RBM20: variants seen among roughly 807,000 people sequenced by gnomAD.
RBM20 encodes RNA-binding protein 20.
In RBM20, 51 loss-of-function variants were observed where a neutral mutation model predicts 110.1. The observed-to-expected ratio is 0.46, with a 90% CI of 0.37 to 0.59. The LOEUF (loss-of-function observed/expected upper bound fraction) is 0.59. Among genes scored for constraint, RBM20 ranks in the 20% least tolerant of loss-of-function variants. The pLI, the probability that RBM20 is intolerant of heterozygous loss-of-function variation, is 0.00. For synonymous variants in RBM20, 589 were observed against 618.2 expected, an observed-to-expected ratio of 0.95 and a Z score of 0.70; for missense variants, 1,512 against 1,574.9, an observed-to-expected ratio of 0.96 and a Z score of 0.68.
chr10:110,656,625 C>G (rs9651464), intron 1 of RBM20, among the ~76,000 whole-genome samples: 6,232 of 152,274 alleles, frequency 0.041, 394 homozygotes, highest in African/African-American at 0.14. Context: ...GCAGTTGCTT[C>G]CCATTCCCAC....
intron 12 of RBM20, among the ~76,000 whole-genome samples, chr10:110,828,138 G>A (rs993859043): frequency 3.9e-5 from 6 of 152,286 alleles, no homozygotes; most frequent in Non-Finnish European, 7.3e-5. Flanking sequence ...GCTTTACTAG[G>A]ATGACAGAGT....
At chr10:110,723,909 T>A (rs1049011316) in intron 1 of RBM20, among the ~76,000 whole-genome samples, 48 of 152,320 alleles carry the variant, frequency 3.2e-4, no homozygotes, top group African/African-American at 1.2e-3. Context: ...GCTTGAGTTT[T>A]ACTTCAATTA....
intron 1 of RBM20, among the ~76,000 whole-genome samples, chr10:110,716,997 T>C (rs1039450729): frequency 6.6e-6 from 1 of 152,242 alleles, no homozygotes; most frequent in African/African-American, 2.4e-5. Context: ...GTAATTGTGT[T>C]TTAAACATCG....
intron 9 of RBM20, among the ~76,000 whole-genome samples, chr10:110,813,532 A>C (rs1025135812): frequency 1.3e-5 from 2 of 151,864 alleles, no homozygotes; most frequent in African/African-American, 4.8e-5. Flanking sequence ...TTTTACCTCC[A>C]CTCTAATAAA....
chr10:110,705,315 C>T (rs1378477547), intron 1 of RBM20, among the ~76,000 whole-genome samples: 1 of 152,164 alleles, frequency 6.6e-6, no homozygotes, highest in Non-Finnish European at 1.5e-5. Flanking sequence ...AGTTTGTAAA[C>T]AATGAATGAT....
chr10:110,669,453 G>T (rs1862228816), intron 1 of RBM20, among the ~76,000 whole-genome samples: 1 of 152,208 alleles, frequency 6.6e-6, no homozygotes. Flanking sequence ...GCCTCTTATG[G>T]TTTTTTGCCT....
At chr10:110,716,789 C>G (rs1031145835) in intron 1 of RBM20, among the ~76,000 whole-genome samples, 8 of 151,614 alleles carry the variant, frequency 5.3e-5, no homozygotes, top group African/African-American at 1.7e-4. Flanking sequence ...TGGTGGTGGG[C>G]GCCTGTAGTC....
At position 110,812,332 on chromosome 10, in the gene RBM20, G is replaced by A. The variant is rs184428735; in HGVS notation, c.1935G>A (p.Pro645=). The change falls in exon 9 of 14, where the codon CCG becomes CCA. Residue 645 remains proline (P), a synonymous_variant. Coordinates refer to ENST00000369519, the MANE Select transcript of RBM20 (RefSeq NM_001134363.3). ...GTCCGGTGAGCCGGTCACTCTCCCCGAGGTCCCACACTCCCAGCTTCACCT... is the reference window on the plus strand; with the variant it reads ...GTCCGGTGAGCCGGTCACTCTCCCCAAGGTCCCACACTCCCAGCTTCACCT... ...SRSPVSRSLS[P]RSHTPSFTSC... 21 of 1,551,410 alleles carry A rather than the reference G, an allele frequency of 1.4e-5. No individual in the cohort carries two copies. The highest frequency in any genetic ancestry group is 7.8e-5 in the Admixed American group (4 of 51,004).
At chr10:110,831,036 G>C in intron 12 of RBM20, 25 bp from the exon 13 acceptor site, 1 of 1,543,422 alleles carries the variant, frequency 6.5e-7, no homozygotes, top group Non-Finnish European at 8.8e-7. Context: ...CTAACCCTGC[G>C]TGTCTATCCC....
chr10:110,819,354 A>T (rs1244293989), intron 9 of RBM20, among the ~76,000 whole-genome samples: 7 of 152,372 alleles, frequency 4.6e-5, no homozygotes, highest in Admixed American at 2.6e-4. Context: ...TGTAAAATTC[A>T]TTCTTAGCTC....
At chr10:110,702,319 C>T (rs1187312033) in intron 1 of RBM20, among the ~76,000 whole-genome samples, 1 of 151,956 alleles carries the variant, frequency 6.6e-6, no homozygotes, top group Non-Finnish European at 1.5e-5. Flanking sequence ...GTGGGAGGAT[C>T]ACCTGAGGGC....
chr10:110,776,593 C>T (rs1844267382), intron 1 of RBM20, among the ~76,000 whole-genome samples: 1 of 152,192 alleles, frequency 6.6e-6, no homozygotes. Context: ...CTGTTTCCAT[C>T]CTTATATCTT....
At chr10:110,812,183 C>A in intron 8 of RBM20, 95 bp from the exon 9 acceptor site, 1 of 1,103,966 alleles carries the variant, frequency 9.1e-7, no homozygotes. Context: ...GTTACATGCA[C>A]AGTATATCTA....
chr10:110,687,047 A>AG lies in RBM20; in HGVS notation c.191+42402_191+42403insG, dbSNP rs1395591593. On this transcript the variant is annotated intron_variant, in intron 1 of 13. Coordinates refer to ENST00000369519, the MANE Select transcript of RBM20 (RefSeq NM_001134363.3). ...GAGCGAGACTGTCTCAAAAAGAAAAAAAAAAAAAAAGAAAAAATTTGTGTT... is the reference window on the plus strand; with the variant it reads ...GAGCGAGACTGTCTCAAAAAGAAAAAGAAAAAAAAAAGAAAAAATTTGTGTT... 4.3e-3 allele frequency among the ~76,000 whole-genome samples: 651 copies of AG among 151,962 alleles called. 4 individuals carry two copies. The highest frequency in any genetic ancestry group is 0.015 in the African/African-American group (605 of 41,470).
At chr10:110,671,456 T>C (rs1862257012) in intron 1 of RBM20, among the ~76,000 whole-genome samples, 4 of 152,228 alleles carry the variant, frequency 2.6e-5, no homozygotes, top group Admixed American at 1.3e-4. Flanking sequence ...GCGGAACCAC[T>C]CTGCCCAGCT....
intron 1 of RBM20, among the ~76,000 whole-genome samples, chr10:110,706,176 T>A (rs1374108411): frequency 6.6e-6 from 1 of 152,204 alleles, no homozygotes; most frequent in African/African-American, 2.4e-5. Flanking sequence ...CATCCTACCT[T>A]ATTGCCTGCA....
intron 1 of RBM20, among the ~76,000 whole-genome samples, chr10:110,766,975 CGGACG>C (rs1844097992): frequency 7.4e-5 from 11 of 148,404 alleles, no homozygotes; most frequent in South Asian, 4.3e-4. Context: ...ACCTCCCTCC[CGGACG>C]GGGCGGCTGG....
intron 1 of RBM20, among the ~76,000 whole-genome samples, chr10:110,690,621 A>G (rs1326890783): frequency 1.3e-5 from 2 of 152,196 alleles, no homozygotes; most frequent in East Asian, 3.8e-4. Context: ...TAGGTATCTC[A>G]TATAAGTAAA....
At chr10:110,690,752 T>C (rs1303868277) in intron 1 of RBM20, among the ~76,000 whole-genome samples, 1 of 152,252 alleles carries the variant, frequency 6.6e-6, no homozygotes, top group Non-Finnish European at 1.5e-5. Flanking sequence ...TAAAATATAC[T>C]TTGTAAGTAC....
Sources: gnomAD v4.1 joint callset for allele counts (sites outside exome capture counted in the v4.1 genomes callset) on GRCh38, gnomAD v4.1.1 for gene constraint, MANE v1.5 for transcripts, NCBI Gene and HGNC (gene_info 2026-07-23, HGNC 2026-07-21) for gene names.